DISP1: variants seen among roughly 807,000 people sequenced by gnomAD.
The protein encoded by DISP1 is protein dispatched homolog 1.
A neutral mutation model predicts 37.3 loss-of-function variants in DISP1; 30 were observed. That is an observed-to-expected ratio of 0.80 (90% confidence interval 0.60 to 1.09). The LOEUF is 1.09. DISP1 is among the 50% of genes least tolerant of loss of function. The pLI is 0.00. For missense variants in DISP1, 1,598 were observed against 1,879.5 expected, an observed-to-expected ratio of 0.85 and a Z score of 2.77; for synonymous variants, 634 against 690.2, an observed-to-expected ratio of 0.92 and a Z score of 1.28.
At chr1:222,961,578 C>T (rs183177708) in intron 3 of DISP1, among the ~76,000 whole-genome samples, 226 of 152,262 alleles carry the variant, frequency 1.5e-3, no homozygotes, top group African/African-American at 4.6e-3. Flanking sequence ...TGCGCTCTCT[C>T]GCCACTCCTA....
chr1:222,911,155 A>G (rs1036480995), intron 1 of DISP1, among the ~76,000 whole-genome samples: 1 of 152,156 alleles, frequency 6.6e-6, no homozygotes, highest in African/African-American at 2.4e-5. Context: ...TAGCTTAGGT[A>G]ATTTGAAAGG....
At chr1:222,899,870 G>A (rs1237212697) in intron 1 of DISP1, 1 of 152,296 alleles carries the variant, frequency 6.6e-6, no homozygotes, top group African/African-American at 2.4e-5. Context: ...TTACAGGTAT[G>A]AGCCACCATG....
At chr1:222,869,226 A>G (rs915184216) in intron 1 of DISP1, among the ~76,000 whole-genome samples, 1 of 152,170 alleles carries the variant, frequency 6.6e-6, no homozygotes, top group Non-Finnish European at 1.5e-5. Flanking sequence ...TGTTTGTTTT[A>G]GATCACAGGT....
At chr1:222,966,133 A>G (rs149888626) in intron 3 of DISP1, among the ~76,000 whole-genome samples, 102 of 152,260 alleles carry the variant, frequency 6.7e-4, no homozygotes, top group African/African-American at 2.4e-3. Flanking sequence ...AATCAGTGTA[A>G]TTTTTTACAC....
chr1:222,943,897 G>A (rs146483398), intron 3 of DISP1, among the ~76,000 whole-genome samples: 1 of 152,044 alleles, frequency 6.6e-6, no homozygotes, highest in Non-Finnish European at 1.5e-5. Context: ...GGGCGTGGTG[G>A]TGCATGCCTA....
At chr1:222,913,220 A>T (rs1454416964) in intron 1 of DISP1, among the ~76,000 whole-genome samples, 1 of 152,194 alleles carries the variant, frequency 6.6e-6, no homozygotes, top group African/African-American at 2.4e-5. Flanking sequence ...TTACCTATAC[A>T]ATAGTTAGAA....
rs1457251226 is a variant in DISP1, at chr1:223,003,967, A to G, written c.2570A>G (p.Lys857Arg). The G allele has an allele frequency of 2.5e-6, 4 of 1,614,034 alleles. No homozygotes were observed. Among genetic ancestry groups the G allele is most frequent in the Non-Finnish European group, 2.5e-6 (3 of 1,180,030 alleles). Reference sequence around the variant, plus strand: ...ACCAGCTGCTTCATTGAGACATTCAAACAGTGGATGGAAAACCAGGACTGT... The same window carrying G: ...ACCAGCTGCTTCATTGAGACATTCAGACAGTGGATGGAAAACCAGGACTGT... ...DFTSCFIETF[K>R]QWMENQDCDE... Residue 857 changes from lysine (K) to arginine (R), a missense_variant, in exon 9 of 9, where the codon AAA becomes AGA. Lys to Arg is a conservative substitution (Grantham distance 26). Coordinates refer to ENST00000675850, the MANE Select transcript of DISP1 (RefSeq NM_001377229.1). The surrounding 1 kb of genome is among the most constrained non-coding windows in gnomAD (Gnocchi z 4.3).
Position 222,977,191 on chromosome 1 carries a change from G to A in DISP1, c.510-5889G>A, listed in dbSNP as rs531083770. Among the ~76,000 whole-genome samples the A allele has an allele frequency of 4.5e-5, 6 of 132,016 alleles. No individual in the cohort carries two copies. The South Asian group carries it at 1.4e-3, about 32-fold the overall frequency. The allele number at this position is 132,016 out of a possible 152,430, so 86.6% of individuals were successfully genotyped here. On this transcript the variant is annotated intron_variant, in intron 3 of 8. Transcript: ENST00000675850. ...ATTACATGCATGCACCACCATGCCC[G>A]GCTAGTTTTTGTATTTTTTTTTAGC... is the stretch of plus-strand genomic sequence containing the variant.
chr1:222,860,823 A>G (rs1668839394), intron 1 of DISP1, among the ~76,000 whole-genome samples: 1 of 152,054 alleles, frequency 6.6e-6, no homozygotes, highest in South Asian at 2.1e-4. Flanking sequence ...CAGTGAGCCA[A>G]GATCTCACCA....
At chr1:222,963,366 A>T (rs2102603733) in intron 3 of DISP1, among the ~76,000 whole-genome samples, 1 of 152,324 alleles carries the variant, frequency 6.6e-6, no homozygotes, top group African/African-American at 2.4e-5. Context: ...CGGTATGGCG[A>T]TTCCTCAAGG....
At chr1:222,824,536 A>AT (rs983883861) in intron 1 of DISP1, among the ~76,000 whole-genome samples, 6 of 151,740 alleles carry the variant, frequency 4.0e-5, no homozygotes, top group African/African-American at 1.5e-4. Context: ...TTGATTCTAC[A>AT]TTTTTTTGTA....
At chr1:222,910,789 C>T (rs1308451321) in intron 1 of DISP1, among the ~76,000 whole-genome samples, 1 of 152,162 alleles carries the variant, frequency 6.6e-6, no homozygotes, top group East Asian at 1.9e-4. Context: ...ATGTAGGATT[C>T]AGCTTTGTCA....
intron 1 of DISP1, among the ~76,000 whole-genome samples, chr1:222,816,872 T>C (rs1390307185): frequency 8.4e-6 from 1 of 118,424 alleles, no homozygotes; most frequent in African/African-American, 2.5e-5. Context: ...TTTAATCTTA[T>C]TTGTTTAAGT....
At chr1:222,921,653 A>T (rs1445751194) in intron 1 of DISP1, among the ~76,000 whole-genome samples, 1 of 152,210 alleles carries the variant, frequency 6.6e-6, no homozygotes, top group Non-Finnish European at 1.5e-5. Flanking sequence ...AGGATTTTGT[A>T]TGCTGAATAT....
At chr1:222,990,788 C>T (rs1379914804) in intron 5 of DISP1, 40 bp downstream of exon 5, 1 of 1,611,594 alleles carries the variant, frequency 6.2e-7, no homozygotes, top group Non-Finnish European at 8.5e-7. Context: ...AAAATCATCT[C>T]CAAATATTGT....
At chr1:222,818,709 A>G (rs1197847681) in intron 1 of DISP1, among the ~76,000 whole-genome samples, 6 of 152,180 alleles carry the variant, frequency 3.9e-5, no homozygotes, top group African/African-American at 1.4e-4. Flanking sequence ...CCTTCAGCTG[A>G]TTAGATGAGT....
In DISP1 at chr1:222,994,428, T is replaced by C. The variant is rs1185406969; in HGVS notation, c.890-457T>C. Among the ~76,000 whole-genome samples, 12 of 152,212 alleles carry C rather than the reference T, an allele frequency of 7.9e-5. No homozygotes were observed. In the East Asian group the frequency reaches 2.1e-3, roughly 27 times the overall value. On this transcript the variant is annotated intron_variant, in intron 7 of 8. Transcript: ENST00000675850. Reference sequence around the variant, plus strand: ...AGCATTCTGTACTTAGTTGGCTGTTTTTAGCGATTTTAAATAGATCACCCA... The same window carrying C: ...AGCATTCTGTACTTAGTTGGCTGTTCTTAGCGATTTTAAATAGATCACCCA...
chr1:222,905,524 A>G (rs774528354), intron 1 of DISP1, among the ~76,000 whole-genome samples: 4 of 152,208 alleles, frequency 2.6e-5, no homozygotes, highest in East Asian at 1.9e-4. Context: ...GATTGTAAGT[A>G]TATGTTGGCT....
rs1017830525 is a variant in DISP1 at position 222,870,388 on chromosome 1, T to G, written c.-159+55310T>G. ...ACACTGACTTCCACAATGGTTGAAC[T>G]AGTTTACAGTCCCACCAACAGTGTA... is the stretch of plus-strand genomic sequence containing the variant. On this transcript the variant is annotated intron_variant, in intron 1 of 8. Transcript: ENST00000675850. Among the ~76,000 whole-genome samples the G allele has an allele frequency of 2.4e-4, 37 of 152,338 alleles. 1 individual carries two copies. The highest frequency in any genetic ancestry group is 2.4e-3 in the Admixed American group (37 of 15,302).
Sources: allele counts gnomAD v4.1 joint callset (sites outside exome capture counted in the v4.1 genomes callset), GRCh38; gene constraint gnomAD v4.1.1; non-coding constraint Gnocchi (gnomAD v3.1); transcripts MANE v1.5; gene names NCBI Gene and HGNC (gene_info 2026-07-23, HGNC 2026-07-21).